Variants in SNX24 observed in about 807,000 individuals in gnomAD.
The protein encoded by SNX24 is sorting nexin 24.
Under a neutral mutation model 28.7 loss-of-function variants are expected in SNX24, and 22 were observed. The ratio of observed to expected loss-of-function variants is 0.77; its 90% confidence interval spans 0.55 to 1.10. The LOEUF (loss-of-function observed/expected upper bound fraction) is 1.10. Ranked by LOEUF, SNX24 falls within the 50% of genes least tolerant of loss-of-function variation. SNX24 has a pLI of 0.00. For missense variants in SNX24, 221 were observed against 201.1 expected (o/e 1.10, Z -0.60); for synonymous variants, 69 against 71.5 (o/e 0.96, Z 0.18).
intron 1 of SNX24, among the ~76,000 whole-genome samples, chr5:122,927,580 G>A (rs774625022): frequency 2.0e-5 from 3 of 152,158 alleles, no homozygotes; most frequent in Non-Finnish European, 4.4e-5. Flanking sequence ...TATAGTGTAA[G>A]ACCTGAAAAC....
chr5:122,932,686 A>AT (rs932520219), intron 1 of SNX24, among the ~76,000 whole-genome samples: 1 of 151,920 alleles, frequency 6.6e-6, no homozygotes, highest in African/African-American at 2.4e-5. Context: ...GTGAATCCCC[A>AT]TCTCTACTAA....
chr5:122,870,398 C>T (rs111702295), intron 1 of SNX24, among the ~76,000 whole-genome samples: 1 of 152,194 alleles, frequency 6.6e-6, no homozygotes, highest in African/African-American at 2.4e-5. Context: ...AAGACCTCAA[C>T]CCTGCCCACA....
intron 1 of SNX24, among the ~76,000 whole-genome samples, chr5:122,877,942 C>G (rs776317094): frequency 6.6e-6 from 1 of 152,060 alleles, no homozygotes; most frequent in Non-Finnish European, 1.5e-5. Flanking sequence ...ACTACACATG[C>G]CGGATGTCCA....
intron 1 of SNX24, 143 bp downstream of exon 1, chr5:122,845,836 C>A (rs936288972): frequency 2.1e-5 from 9 of 435,718 alleles, no homozygotes; most frequent in Admixed American, 4.7e-5. Context: ...GGAAGGGCTG[C>A]GCCCTTGGCG....
chr5:122,872,823 G>A (rs35746109), intron 1 of SNX24, among the ~76,000 whole-genome samples: 4,533 of 142,030 alleles, frequency 0.032, 80 homozygotes, highest in Non-Finnish European at 0.04. Flanking sequence ...AGCTGGCGGT[G>A]GAATGGGGCC....
chr5:122,939,554 T>A (rs750364321), intron 2 of SNX24, among the ~76,000 whole-genome samples: 2 of 152,252 alleles, frequency 1.3e-5, no homozygotes, highest in African/African-American at 4.8e-5. Context: ...TAAATTTTTA[T>A]GTTTACTGAT....
intron 2 of SNX24, among the ~76,000 whole-genome samples, chr5:122,939,483 A>G (rs975465872): frequency 4.6e-5 from 7 of 152,278 alleles, no homozygotes; most frequent in African/African-American, 1.7e-4. Context: ...TGCTGGAAGC[A>G]TTTTTTAACA....
chr5:122,964,342 G>A (rs1224707698), intron 3 of SNX24, among the ~76,000 whole-genome samples: 1 of 150,392 alleles, frequency 6.6e-6, no homozygotes, highest in Non-Finnish European at 1.5e-5. Flanking sequence ...AGAGACACTT[G>A]TGGTTGTCAC....
intron 3 of SNX24, among the ~76,000 whole-genome samples, chr5:122,999,259 T>C (rs1004155024): frequency 2.0e-5 from 3 of 152,210 alleles, no homozygotes; most frequent in African/African-American, 7.2e-5. Flanking sequence ...TATAGATTTT[T>C]TTTTCAGCAT....
At chr5:122,930,768 C>T (rs1758917238) in intron 1 of SNX24, among the ~76,000 whole-genome samples, 1 of 152,116 alleles carries the variant, frequency 6.6e-6, no homozygotes, top group African/African-American at 2.4e-5. Flanking sequence ...CATGAATTTT[C>T]TTTCGAAAGC....
intron 1 of SNX24, among the ~76,000 whole-genome samples, chr5:122,922,064 G>C (rs561693323): frequency 6.6e-6 from 1 of 152,234 alleles, no homozygotes; most frequent in African/African-American, 2.4e-5. Flanking sequence ...TTCATGCTGA[G>C]GCCCGACCTT....
intron 3 of SNX24, among the ~76,000 whole-genome samples, chr5:122,980,764 A>C (rs1448151977): frequency 6.6e-6 from 1 of 151,394 alleles, no homozygotes; most frequent in Non-Finnish European, 1.5e-5. Context: ...TGCCCCTGAA[A>C]TATGAGCTTT....
At chr5:122,866,646 A>AAGGG (rs1228367396) in intron 1 of SNX24, among the ~76,000 whole-genome samples, 2 of 152,248 alleles carry the variant, frequency 1.3e-5, no homozygotes, top group East Asian at 3.9e-4. Flanking sequence ...CAGTAATATT[A>AAGGG]ATACTATGCT....
At chr5:122,901,699 C>T (rs963689104) in intron 1 of SNX24, among the ~76,000 whole-genome samples, 18 of 152,242 alleles carry the variant, frequency 1.2e-4, no homozygotes, top group African/African-American at 4.3e-4. Flanking sequence ...AGGATCTTGA[C>T]CCTCCATTCT....
At chr5:122,858,032 C>T (rs1416380640) in intron 1 of SNX24, among the ~76,000 whole-genome samples, 4 of 152,186 alleles carry the variant, frequency 2.6e-5, no homozygotes, top group African/African-American at 7.2e-5. Flanking sequence ...CCGCCCACCT[C>T]GGCCTCCAAA....
chr5:122,896,167 T>C (rs542549740), intron 1 of SNX24, among the ~76,000 whole-genome samples: 20 of 152,104 alleles, frequency 1.3e-4, no homozygotes, highest in Non-Finnish European at 2.5e-4. Context: ...AACAAACATA[T>C]AGAAGCAGAG....
intron 1 of SNX24, among the ~76,000 whole-genome samples, chr5:122,847,457 T>C (rs1754690017): frequency 6.6e-6 from 1 of 151,332 alleles, no homozygotes; most frequent in Non-Finnish European, 1.5e-5. Context: ...AAAAAAATCC[T>C]AACTCATCCA....
chr5:123,017,465 A>G (rs1394068802), intron 5 of SNX24, among the ~76,000 whole-genome samples: 1 of 151,392 alleles, frequency 6.6e-6, no homozygotes, highest in Non-Finnish European at 1.5e-5. Flanking sequence ...TTTGAAAAAT[A>G]GTAGAAATAG....
At chr5:122,920,371 A>T (rs1328997465) in intron 1 of SNX24, among the ~76,000 whole-genome samples, 1 of 152,240 alleles carries the variant, frequency 6.6e-6, no homozygotes, top group Non-Finnish European at 1.5e-5. Context: ...GTTTGGTAAG[A>T]GAGATACAGA....
Sources: allele counts gnomAD v4.1 joint callset (sites outside exome capture counted in the v4.1 genomes callset), GRCh38; gene constraint gnomAD v4.1.1; transcripts MANE v1.5; gene names NCBI Gene and HGNC (gene_info 2026-07-23, HGNC 2026-07-21).